SPATS1: variants seen among roughly 807,000 people sequenced by gnomAD.
SPATS1 encodes the protein spermatogenesis associated serine rich 1.
In SPATS1, 23 loss-of-function variants were observed where a neutral mutation model predicts 33.6. That is an observed-to-expected ratio of 0.68 (90% CI 0.49 to 0.97). The LOEUF (loss-of-function observed/expected upper bound fraction) is 0.97. Among genes scored for constraint, SPATS1 ranks in the 50% least tolerant of loss-of-function variants. The probability of loss-of-function intolerance (pLI) is 0.00; values close to 1 mark genes in which losing one functional copy is unlikely to be tolerated. For missense variants in SPATS1, 327 were observed against 361.0 expected (o/e 0.91, Z 0.76); for synonymous variants, 131 against 125.6 (o/e 1.04, Z -0.29).
chr6:44,362,080 G>A, intron 5 of SPATS1, 88 bp downstream of exon 5: 2 of 1,535,842 alleles, frequency 1.3e-6, no homozygotes, highest in Non-Finnish European at 1.8e-6. Context: ...GTAGCTGGGG[G>A]CAGCCCTGTA....
At chr6:44,356,212 A>G (rs1192817028) in intron 3 of SPATS1, among the ~76,000 whole-genome samples, 2 of 152,124 alleles carry the variant, frequency 1.3e-5, no homozygotes, top group African/African-American at 4.8e-5. Context: ...CTCCAAAGGT[A>G]TAGATTGACA....
At position 44,376,428 on chromosome 6, in the gene SPATS1, A is replaced by G; in HGVS notation, c.829A>G (p.Asn277Asp). The G allele has an allele frequency of 6.2e-7, 1 of 1,612,822 alleles. No individual in the cohort carries two copies. Among genetic ancestry groups the G allele is most frequent in the African/African-American group, 1.3e-5 (1 of 75,000 alleles). Reference sequence around the variant, plus strand: ...GATACAAGAGGTTGAGGAGCTTGACAACTGGCAGCCAGCAGTGCCCTTAAT... The same window carrying G: ...GATACAAGAGGTTGAGGAGCTTGACGACTGGCAGCCAGCAGTGCCCTTAAT... ...NEIQEVEELD[N>D]WQPAVPLMHM... The change falls in exon 8 of 9, where the codon AAC (asparagine) becomes GAC (aspartate). Residue 277 changes from asparagine (N) to aspartate (D), a missense_variant. By Grantham distance (23) the Asn-to-Asp change is conservative. Transcript: ENST00000674044.
Position 44,377,409 on chromosome 6 carries a change from A to G in SPATS1, c.*346A>G. 1 of 275,338 alleles carries G rather than the reference A, an allele frequency of 3.6e-6. No homozygotes were observed. The allele number at this position is 275,338 out of a possible 1,614,324, so 17.1% of individuals were successfully genotyped here. On this transcript the variant is annotated 3_prime_UTR_variant, in exon 9 of 9. Coordinates refer to ENST00000674044, the MANE Select transcript of SPATS1 (RefSeq NM_001372081.1). ...CACCTGTATACCTACATACCTCAGC[A>G]TGTATCTTCTAAGGTCAAGGATGTT...
chr6:44,351,138 A>G (rs1318385838), intron 2 of SPATS1, among the ~76,000 whole-genome samples: 83 of 150,344 alleles, frequency 5.5e-4, no homozygotes, highest in African/African-American at 1.7e-3. Flanking sequence ...AAAAAAAAAA[A>G]AAAAAAGAAA....
intron 5 of SPATS1, among the ~76,000 whole-genome samples, chr6:44,364,332 T>C (rs1789110803): frequency 6.6e-6 from 1 of 152,232 alleles, no homozygotes. Context: ...TGGATCAGGA[T>C]CCAAGTAAGG....
intron 5 of SPATS1, among the ~76,000 whole-genome samples, chr6:44,365,596 G>C (rs1439230816): frequency 6.6e-6 from 1 of 152,176 alleles, no homozygotes; most frequent in Non-Finnish European, 1.5e-5. Flanking sequence ...AGAAAATGCT[G>C]GAAGGTTTTT....
At chr6:44,348,461 TTTC>T (rs1788035322) in intron 2 of SPATS1, among the ~76,000 whole-genome samples, 1 of 152,136 alleles carries the variant, frequency 6.6e-6, no homozygotes, top group Admixed American at 6.5e-5. Context: ...CTCTTTTTTT[TTTC>T]TTATTTCTTA....
At chr6:44,351,786 T>C (rs1788261686) in intron 2 of SPATS1, among the ~76,000 whole-genome samples, 1 of 152,226 alleles carries the variant, frequency 6.6e-6, no homozygotes, top group Non-Finnish European at 1.5e-5. Flanking sequence ...TTTTCATTTA[T>C]TCACTCAAAC....
chr6:44,363,653 TCCCTCCTTCCCTCCTTCCTTCCTTCCCTC>T (rs1789065192), intron 5 of SPATS1, among the ~76,000 whole-genome samples: 1 of 13,368 alleles, frequency 7.5e-5, no homozygotes, highest in South Asian at 1.3e-3. Flanking sequence ...CTTCCTTCCT[TCCCTCCTTCCCTCCTTCCTTCCTTCCCTC>T]CTTCCCTCCT....
At position 44,343,150 on chromosome 6, in the gene SPATS1, A is replaced by T; in HGVS notation, c.55A>T (p.Ile19Phe). 6.2e-7 allele frequency: 1 copy of T among 1,614,146 alleles called. No homozygotes were observed. Among genetic ancestry groups the T allele is most frequent in the Middle Eastern group, 1.6e-4 (1 of 6,062 alleles). The change falls in exon 2 of 9, where the codon ATC becomes TTC. Residue 19 changes from isoleucine to phenylalanine, a missense_variant. Ile to Phe is a conservative substitution (Grantham distance 21). Coordinates refer to ENST00000674044, the MANE Select transcript of SPATS1 (RefSeq NM_001372081.1). ...NSPRGCRLPS[I>F]SSTTCGRQLE... The stretch of plus-strand genomic sequence containing the variant: ...TCCACGGGGCTGCCGTCTCCCCTCC[A>T]TCTCAAGCACGACCTGCGGCAGACA...
intron 2 of SPATS1, among the ~76,000 whole-genome samples, chr6:44,351,014 C>T (rs975952021): frequency 6.0e-5 from 9 of 150,154 alleles, no homozygotes; most frequent in Non-Finnish European, 8.9e-5. Flanking sequence ...ATACCAGCTA[C>T]TCATGAGGCT....
chr6:44,362,781 C>T (rs1225887895), intron 5 of SPATS1, among the ~76,000 whole-genome samples: 1 of 151,492 alleles, frequency 6.6e-6, no homozygotes, highest in Non-Finnish European at 1.5e-5. Context: ...GAAAGCCATA[C>T]TAAATGAGCT....
chr6:44,342,704 C>CT lies in SPATS1; in HGVS notation c.-64dup, dbSNP rs1020481494. 23 of 459,370 alleles carry CT rather than the reference C, an allele frequency of 5.0e-5. No individual in the cohort carries two copies. Among genetic ancestry groups the CT allele is most frequent in the African/African-American group, 4.6e-4 (23 of 50,248 alleles). 28.5% of individuals were successfully genotyped at this position (459,370 alleles called of 1,614,324 possible). On this transcript the variant is annotated 5_prime_UTR_variant, in exon 1 of 9. Coordinates refer to ENST00000674044, the MANE Select transcript of SPATS1 (RefSeq NM_001372081.1). ...GCTGCGGTGTCCCTTTTGCCCTAGG[C>CT]TCTCGGTTCTCAGGCCTCGGCGTGC...
chr6:44,371,290 C>T (rs1789597668), intron 7 of SPATS1, among the ~76,000 whole-genome samples: 1 of 150,870 alleles, frequency 6.6e-6, no homozygotes, highest in Admixed American at 6.6e-5. Flanking sequence ...AGAGCAAAAC[C>T]CTGTCTCAAA....
intron 5 of SPATS1, among the ~76,000 whole-genome samples, chr6:44,366,189 ATC>A (rs1198270443): frequency 4.0e-5 from 6 of 150,170 alleles, no homozygotes; most frequent in Non-Finnish European, 1.5e-5. Context: ...CAATGGTGCG[ATC>A]TCGGCTCACT....
intron 5 of SPATS1, among the ~76,000 whole-genome samples, chr6:44,362,861 G>A (rs1428049246): frequency 6.6e-6 from 1 of 151,160 alleles, no homozygotes; most frequent in Non-Finnish European, 1.5e-5. Flanking sequence ...TTTTTGAGAC[G>A]GAGTTTCGCT....
In SPATS1 at chr6:44,377,358, T is replaced by C. The variant is rs1561962661; in HGVS notation, c.*295T>C. On this transcript the variant is annotated 3_prime_UTR_variant, in exon 9 of 9. Transcript: ENST00000674044. Reference sequence around the variant, plus strand: ...ACCATTTTGCTGAACTCTTTGAGAGTGAGTGGCAGATATTGTAACCCTTTA... The same window carrying C: ...ACCATTTTGCTGAACTCTTTGAGAGCGAGTGGCAGATATTGTAACCCTTTA... 2 of 479,984 alleles carry C rather than the reference T, an allele frequency of 4.2e-6. No individual in the cohort carries two copies. The highest frequency in any genetic ancestry group is 4.6e-5 in the South Asian group (2 of 43,476). 29.7% of individuals were successfully genotyped at this position (479,984 alleles called of 1,614,324 possible). A position where few individuals can be genotyped will look rare whatever the true frequency, so the allele number is the denominator to read the frequency against.
Position 44,368,557 on chromosome 6 carries a change from T to C in SPATS1, c.695+58T>C, listed in dbSNP as rs189687373. On this transcript the variant is annotated intron_variant, in intron 6 of 8. Coordinates refer to ENST00000674044, the MANE Select transcript of SPATS1 (RefSeq NM_001372081.1). ...TAACTTTAAAGGAATTGTGTCTCTC[T>C]ACTACACAGAAATTATATTTTAAAA... 796 of 1,488,216 alleles carry C rather than the reference T, an allele frequency of 5.3e-4. 3 individuals carry two copies. In the African/African-American group the frequency reaches 9.8e-3, roughly 18 times the overall value. The allele number at this position is 1,488,216 out of a possible 1,614,324, so 92.2% of individuals were successfully genotyped here. A position where few individuals can be genotyped will look rare whatever the true frequency, so the allele number is the denominator to read the frequency against.
In SPATS1 at chr6:44,378,961, A is replaced by C. The variant is rs1790087868; in HGVS notation, c.*1898A>C. On this transcript the variant is annotated 3_prime_UTR_variant, in exon 9 of 9. Transcript: ENST00000674044. Reference sequence around the variant, plus strand: ...ACAGGCCCACCCCTGCTCCCAACATAATAATTTAAAAAAACACCAAATAAT... The same window carrying C: ...ACAGGCCCACCCCTGCTCCCAACATCATAATTTAAAAAAACACCAAATAAT... The C allele has an allele frequency of 6.6e-6, 1 of 152,092 alleles. No homozygotes were observed. Among genetic ancestry groups the C allele is most frequent in the Admixed American group, 6.6e-5 (1 of 15,266 alleles). The allele number at this position is 152,092 out of a possible 1,614,324, so 9.4% of individuals were successfully genotyped here.
Sources: gnomAD v4.1 joint callset for allele counts (sites outside exome capture counted in the v4.1 genomes callset) on GRCh38, gnomAD v4.1.1 for gene constraint, MANE v1.5 for transcripts, NCBI Gene and HGNC (gene_info 2026-07-23, HGNC 2026-07-21) for gene names.